Variants in CDC123 observed in about 807,000 individuals in gnomAD.
CDC123 encodes translation initiation factor eIF2 assembly protein.
Under a neutral mutation model 54.4 loss-of-function variants are expected in CDC123, and 37 were observed. The observed-to-expected ratio is 0.68, with a 90% CI of 0.52 to 0.89. The LOEUF (loss-of-function observed/expected upper bound fraction) is 0.89. Among genes scored for constraint, CDC123 ranks in the 40% least tolerant of loss-of-function variants. The pLI is 0.00. For synonymous variants in CDC123, 144 were observed against 136.8 expected (o/e 1.05, Z -0.37); for missense variants, 361 against 412.1 (o/e 0.88, Z 1.07).
At chr10:12,209,035 C>T (rs1835560079) in intron 2 of CDC123, among the ~76,000 whole-genome samples, 1 of 152,214 alleles carries the variant, frequency 6.6e-6, no homozygotes, top group South Asian at 2.1e-4. Flanking sequence ...CAGACATTCG[C>T]TTCTGGTGTC....
intron 8 of CDC123, among the ~76,000 whole-genome samples, chr10:12,236,634 C>T (rs543218410): frequency 1.3e-4 from 20 of 150,748 alleles, no homozygotes; most frequent in African/African-American, 4.4e-4. Flanking sequence ...GTGGCTTACA[C>T]CTGTAATCCC....
intron 11 of CDC123, among the ~76,000 whole-genome samples, chr10:12,248,953 A>T (rs1400264137): frequency 2.0e-5 from 3 of 151,826 alleles, no homozygotes; most frequent in Admixed American, 6.6e-5. Flanking sequence ...TCTACTAAAA[A>T]TACAAAAATT....
chr10:12,231,857 C>CT (rs1835906377), intron 7 of CDC123, among the ~76,000 whole-genome samples: 1 of 150,798 alleles, frequency 6.6e-6, no homozygotes. Flanking sequence ...TTCTTTTTTT[C>CT]TTTTTTGAGA....
intron 4 of CDC123, among the ~76,000 whole-genome samples, chr10:12,210,624 A>C (rs1345317524): frequency 6.6e-6 from 1 of 152,210 alleles, no homozygotes; most frequent in Non-Finnish European, 1.5e-5. Flanking sequence ...TTAAACTCTG[A>C]GATTCCTAAA....
intron 6 of CDC123, among the ~76,000 whole-genome samples, chr10:12,226,532 C>A (rs974804937): frequency 2.0e-5 from 3 of 151,172 alleles, no homozygotes; most frequent in African/African-American, 7.3e-5. Flanking sequence ...TCCTCACCTC[C>A]CAGACGGGGT....
intron 4 of CDC123, among the ~76,000 whole-genome samples, chr10:12,212,075 G>A (rs1835610254): frequency 6.6e-6 from 1 of 152,014 alleles, no homozygotes. Context: ...GTGACAGAGA[G>A]AGACTCCGTC....
At chr10:12,198,910 C>A in intron 2 of CDC123, 134 bp downstream of exon 2, 1 of 595,732 alleles carries the variant, frequency 1.7e-6, no homozygotes, top group Non-Finnish European at 3.0e-6. Flanking sequence ...TGATCTTTGT[C>A]TCATATTCCT....
At chr10:12,244,125 A>G (rs1013711153) in intron 10 of CDC123, among the ~76,000 whole-genome samples, 3 of 152,210 alleles carry the variant, frequency 2.0e-5, no homozygotes, top group African/African-American at 4.8e-5. Context: ...AGGTTCTGGT[A>G]TTTGAAGCAA....
At chr10:12,197,380 GA>G (rs922880760) in intron 1 of CDC123, among the ~76,000 whole-genome samples, 13 of 92,476 alleles carry the variant, frequency 1.4e-4, no homozygotes, top group Non-Finnish European at 2.3e-4. Flanking sequence ...TGAAGAACTA[GA>G]TTTTTTTTTT....
chr10:12,225,086 C>G (rs1835789709), intron 6 of CDC123, among the ~76,000 whole-genome samples: 1 of 152,162 alleles, frequency 6.6e-6, no homozygotes, highest in African/African-American at 2.4e-5. Context: ...TGCAGCTACT[C>G]CTCAGAATAA....
intron 7 of CDC123, among the ~76,000 whole-genome samples, chr10:12,231,766 A>G (rs1835905304): frequency 6.6e-6 from 1 of 152,194 alleles, no homozygotes; most frequent in Non-Finnish European, 1.5e-5. Flanking sequence ...ACACACGCAC[A>G]TACCCTGATC....
At chr10:12,210,362 C>T (rs759949890) in intron 4 of CDC123, 40 bp downstream of exon 4, 4 of 1,612,762 alleles carry the variant, frequency 2.5e-6, no homozygotes, top group South Asian at 2.2e-5. Context: ...CAGCCTCACA[C>T]TGTCACACAA....
At chr10:12,206,027 C>T (rs1468216776) in intron 2 of CDC123, among the ~76,000 whole-genome samples, 1 of 152,162 alleles carries the variant, frequency 6.6e-6, no homozygotes, top group African/African-American at 2.4e-5. Context: ...GTCTTGAACT[C>T]CTGACCTCAT....
chr10:12,207,379 G>T (rs1835537097), intron 2 of CDC123, among the ~76,000 whole-genome samples: 1 of 151,940 alleles, frequency 6.6e-6, no homozygotes, highest in South Asian at 2.1e-4. Flanking sequence ...TTATATTCGA[G>T]GATATTAATG....
chr10:12,219,156 G>A (rs186243464), intron 6 of CDC123, among the ~76,000 whole-genome samples: 3 of 152,256 alleles, frequency 2.0e-5, no homozygotes, highest in Admixed American at 2.0e-4. Flanking sequence ...ACTACGTGTC[G>A]GTCGTGCATC....
intron 2 of CDC123, among the ~76,000 whole-genome samples, chr10:12,206,167 C>T (rs539514731): frequency 6.6e-6 from 1 of 152,302 alleles, no homozygotes; most frequent in Non-Finnish European, 1.5e-5. Flanking sequence ...TTACAGTAGG[C>T]ACTGCAATAA....
At chr10:12,233,970 TGA>T (rs1835941211) in intron 7 of CDC123, among the ~76,000 whole-genome samples, 1 of 152,056 alleles carries the variant, frequency 6.6e-6, no homozygotes, top group Non-Finnish European at 1.5e-5. Flanking sequence ...GAGAAAATAG[TGA>T]GAGAGTTATT....
chr10:12,243,488 C>T (rs932208902), intron 10 of CDC123, among the ~76,000 whole-genome samples: 3 of 151,700 alleles, frequency 2.0e-5, no homozygotes, highest in Admixed American at 6.6e-5. Context: ...GTTTTACTGA[C>T]TATAAAAAGC....
chr10:12,231,058 C>T (rs1476480473), intron 7 of CDC123, 62 bp downstream of exon 7: 1 of 1,407,356 alleles, frequency 7.1e-7, no homozygotes, highest in Non-Finnish European at 9.8e-7. Context: ...GCTATTTATT[C>T]TTAAGTGAAA....
Sources: gnomAD v4.1 joint callset for allele counts (sites outside exome capture counted in the v4.1 genomes callset) on GRCh38, gnomAD v4.1.1 for gene constraint, MANE v1.5 for transcripts, NCBI Gene and HGNC (gene_info 2026-07-23, HGNC 2026-07-21) for gene names.